Variants in MME observed in about 807,000 individuals in gnomAD.
MME encodes membrane metalloendopeptidase, also known as neprilysin.
Under a neutral mutation model 113.2 loss-of-function variants are expected in MME, and 98 were observed. That is an observed-to-expected ratio of 0.87 (90% CI 0.74 to 1.02). The LOEUF is 1.02. Ranked by LOEUF, MME falls within the 50% of genes least tolerant of loss-of-function variation. The pLI, the probability that MME is intolerant of heterozygous loss-of-function variation, is 0.00. For missense variants in MME, 836 were observed against 896.0 expected, an observed-to-expected ratio of 0.93 and a Z score of 0.86; for synonymous variants, 292 against 300.6, an observed-to-expected ratio of 0.97 and a Z score of 0.30.
intron 17 of MME, among the ~76,000 whole-genome samples, chr3:155,161,012 AAG>A (rs1217834855): frequency 6.6e-6 from 1 of 152,134 alleles, no homozygotes; most frequent in African/African-American, 2.4e-5. Flanking sequence ...TTGATCAAAA[AAG>A]AAAAAATTTC....
chr3:155,097,929 C>T (rs1389453775), intron 3 of MME, among the ~76,000 whole-genome samples: 1 of 152,056 alleles, frequency 6.6e-6, no homozygotes, highest in Non-Finnish European at 1.5e-5. Flanking sequence ...TGGGGTTTCT[C>T]CAGCATCACC....
At chr3:155,142,607 T>A (rs1318896225) in intron 12 of MME, among the ~76,000 whole-genome samples, 1 of 152,142 alleles carries the variant, frequency 6.6e-6, no homozygotes, top group African/African-American at 2.4e-5. Flanking sequence ...ACTGTCTGGA[T>A]TTTTTGTTGT....
intron 3 of MME, chr3:155,090,555 T>C (rs1232578014): frequency 6.6e-6 from 1 of 152,162 alleles, no homozygotes; most frequent in African/African-American, 2.4e-5. Flanking sequence ...TTAAGTAAAA[T>C]AGGGTTACTT....
At chr3:155,102,024 CTTTTG>C (rs952157967) in intron 3 of MME, among the ~76,000 whole-genome samples, 10 of 151,988 alleles carry the variant, frequency 6.6e-5, no homozygotes, top group Non-Finnish European at 1.5e-4. Flanking sequence ...GGGAATTGGT[CTTTTG>C]TTTTGTTTAT....
intron 1 of MME, among the ~76,000 whole-genome samples, chr3:155,061,438 G>T (rs111535712): frequency 0.042 from 5,800 of 139,450 alleles, 333 homozygotes; most frequent in African/African-American, 0.13. Context: ...GCGACAGAGC[G>T]AGGCTCCATC....
intron 20 of MME, 163 bp from the exon 21 acceptor site, chr3:155,171,954 T>A (rs1292911843): frequency 2.0e-5 from 12 of 593,458 alleles, no homozygotes; most frequent in Middle Eastern, 4.5e-4. Context: ...ATTTGATTTG[T>A]CTTTCTAATC....
At chr3:155,168,921 G>GA in intron 20 of MME, 124 bp downstream of exon 20, 1 of 788,948 alleles carries the variant, frequency 1.3e-6, no homozygotes, top group Non-Finnish European at 2.1e-6. Flanking sequence ...ATAGAAAATG[G>GA]AAAAAAATAT....
In MME at chr3:155,163,130, A is replaced by G. The variant is rs78665664; in HGVS notation, c.1660+2682A>G. On this transcript the variant is annotated intron_variant, in intron 17 of 22. Coordinates refer to ENST00000360490, the MANE Select transcript of MME (RefSeq NM_007289.4). Reference sequence around the variant, plus strand: ...TCTTAATGGATTTGGGATAATGTCCATTATAAAATTAGGGTTGGTATAGAG... The same window carrying G: ...TCTTAATGGATTTGGGATAATGTCCGTTATAAAATTAGGGTTGGTATAGAG... 4.3e-3 allele frequency among the ~76,000 whole-genome samples: 651 copies of G among 152,108 alleles called. 5 individuals carry two copies. The highest frequency in any genetic ancestry group is 0.015 in the African/African-American group (629 of 41,510).
intron 1 of MME, among the ~76,000 whole-genome samples, chr3:155,028,474 G>A (rs574856106): frequency 7.2e-5 from 11 of 152,216 alleles, no homozygotes; most frequent in Admixed American, 2.0e-4. Context: ...TATTAGCAAG[G>A]GGATCACCTG....
chr3:155,172,693 T>G, intron 22 of MME, 81 bp downstream of exon 22: 1 of 1,049,090 alleles, frequency 9.5e-7, no homozygotes, highest in South Asian at 1.3e-5. Context: ...CTTTTCTAAC[T>G]CTGATTCTTT....
chr3:155,069,439 A>G lies in MME; in HGVS notation c.-10-14719A>G, dbSNP rs148753566. On this transcript the variant is annotated intron_variant, in intron 1 of 22. Transcript: ENST00000492661. ...AATTGATCAGCTCGTGGCAACTCAG[A>G]GTTGAGAGAGGTTTGTTAAGGCCCA... Among the ~76,000 whole-genome samples the G allele has an allele frequency of 4.5e-3, 686 of 152,320 alleles. 5 individuals are homozygous for G. Among genetic ancestry groups the G allele is most frequent in the East Asian group, 0.017 (87 of 5,188 alleles).
At chr3:155,175,311 G>T (rs1371398125) in intron 22 of MME, among the ~76,000 whole-genome samples, 1 of 151,644 alleles carries the variant, frequency 6.6e-6, no homozygotes, top group Admixed American at 6.6e-5. Flanking sequence ...TCCTATTATT[G>T]TATTGCCTGC....
At chr3:155,154,393 T>G (rs1271646608) in intron 16 of MME, among the ~76,000 whole-genome samples, 1 of 150,562 alleles carries the variant, frequency 6.6e-6, no homozygotes, top group African/African-American at 2.5e-5. Context: ...TAATACTCTT[T>G]TAGTGTTCCA....
intron 8 of MME, among the ~76,000 whole-genome samples, chr3:155,136,369 T>C (rs1720634060): frequency 6.6e-6 from 1 of 152,194 alleles, no homozygotes; most frequent in African/African-American, 2.4e-5. Flanking sequence ...TTGGGTTTTA[T>C]TGAGACTTTT....
At chr3:155,117,416 A>G (rs1718713605) in intron 7 of MME, among the ~76,000 whole-genome samples, 1 of 152,200 alleles carries the variant, frequency 6.6e-6, no homozygotes, top group African/African-American at 2.4e-5. Flanking sequence ...TTTCCTCACT[A>G]AAGAGTATCT....
intron 3 of MME, among the ~76,000 whole-genome samples, chr3:155,111,675 A>G (rs1718200131): frequency 6.6e-6 from 1 of 152,040 alleles, no homozygotes; most frequent in Non-Finnish European, 1.5e-5. Context: ...GGGCTTGTTC[A>G]TGCTCTGCTT....
intron 1 of MME, among the ~76,000 whole-genome samples, chr3:155,027,536 C>T (rs1054933881): frequency 2.0e-5 from 3 of 152,322 alleles, no homozygotes; most frequent in South Asian, 2.1e-4. Flanking sequence ...GGCCTTTGCT[C>T]ATGCTACTTG....
chr3:155,118,090 C>T (rs529072317), intron 7 of MME, among the ~76,000 whole-genome samples: 1 of 152,324 alleles, frequency 6.6e-6, no homozygotes, highest in East Asian at 1.9e-4. Context: ...ACACCCTTAA[C>T]TGCTATCTGG....
chr3:155,058,476 T>C (rs1714015079), intron 1 of MME, among the ~76,000 whole-genome samples: 1 of 152,176 alleles, frequency 6.6e-6, no homozygotes, highest in Non-Finnish European at 1.5e-5. Context: ...ACGTTAATGT[T>C]AGAAAAAAGA....
Sources: gnomAD v4.1 joint callset for allele counts (sites outside exome capture counted in the v4.1 genomes callset) on GRCh38, gnomAD v4.1.1 for gene constraint, MANE v1.5 for transcripts, NCBI Gene and HGNC (gene_info 2026-07-23, HGNC 2026-07-21) for gene names.